Variants in AK3 observed in about 807,000 individuals in gnomAD.
AK3 encodes the protein GTP:AMP phosphotransferase AK3, mitochondrial.
A neutral mutation model predicts 23.7 loss-of-function variants in AK3; 27 were observed. That is an observed-to-expected ratio of 1.14 (90% CI 0.84 to 1.57). The LOEUF is 1.57. AK3 is among the 40% of genes most tolerant of loss of function. AK3 has a pLI of 0.00. For synonymous variants in AK3, 159 were observed against 116.0 expected, an observed-to-expected ratio of 1.37 and a Z score of -2.38; for missense variants, 406 against 285.6, an observed-to-expected ratio of 1.42 and a Z score of -3.04.
At chr9:4,740,774 T>C (rs1842410113) in intron 1 of AK3, among the ~76,000 whole-genome samples, 163 bp downstream of exon 1, 1 of 151,594 alleles carries the variant, frequency 6.6e-6, no homozygotes, top group Non-Finnish European at 1.5e-5. Flanking sequence ...AGGCCGGAGG[T>C]TTTGGGGCGC....
intron 1 of AK3, among the ~76,000 whole-genome samples, chr9:4,735,912 C>T (rs1225831384): frequency 1.3e-5 from 2 of 151,686 alleles, no homozygotes; most frequent in Non-Finnish European, 2.9e-5. Context: ...GTAGGAAGTT[C>T]GAGACCAGCC....
intron 1 of AK3, among the ~76,000 whole-genome samples, chr9:4,730,404 T>TA (rs1372937909): frequency 3.4e-5 from 5 of 147,710 alleles, no homozygotes; most frequent in Non-Finnish European, 7.5e-5. Context: ...AGAAAAAAAA[T>TA]AAAAAAACCA....
At chr9:4,737,202 G>A (rs981107550) in intron 1 of AK3, among the ~76,000 whole-genome samples, 1 of 149,532 alleles carries the variant, frequency 6.7e-6, no homozygotes, top group African/African-American at 2.4e-5. Flanking sequence ...TAATTTTCAT[G>A]AAATACAGCT....
At chr9:4,715,884 G>C (rs909224930) in intron 4 of AK3, among the ~76,000 whole-genome samples, 1 of 152,202 alleles carries the variant, frequency 6.6e-6, no homozygotes, top group Non-Finnish European at 1.5e-5. Context: ...AGGTTCAGGA[G>C]AGACTGTCCC....
rs1209103471 is a variant in AK3 at position 4,722,548 on chromosome 9, G to T, written c.229C>A (p.His77Asn). Residue 77 changes from histidine to asparagine, a missense_variant, in exon 2 of 5, where the codon CAT becomes AAT. Transcript: ENST00000381809. ...TACTGGGTGAGATTTTTCAGCTCAT[G>T]AAGGGCCAGCCGAGTCATGACATCA... ...PDDVMTRLAL[H>N]ELKNLTQYSW... 6.2e-7 allele frequency: 1 copy of T among 1,614,216 alleles called. No individual in the cohort carries two copies. The highest frequency in any genetic ancestry group is 1.1e-5 in the South Asian group (1 of 91,086).
chr9:4,728,006 C>G (rs1021020181), intron 1 of AK3, among the ~76,000 whole-genome samples: 1 of 152,082 alleles, frequency 6.6e-6, no homozygotes. Flanking sequence ...AGTTTGCCAT[C>G]TTATATGGGT....
rs1210103111 is a variant in AK3, at chr9:4,728,858, T to TACAC, written c.152-6234_152-6233insGTGT. Among the ~76,000 whole-genome samples the TACAC allele has an allele frequency of 5.6e-3, 400 of 71,860 alleles. 1 individual carries two copies. The highest frequency in any genetic ancestry group is 9.1e-3 in the Non-Finnish European group (308 of 34,014). 47.1% of individuals were successfully genotyped at this position (71,860 alleles called of 152,430 possible). On this transcript the variant is annotated intron_variant, in intron 1 of 4. Coordinates refer to ENST00000381809, the MANE Select transcript of AK3 (RefSeq NM_016282.4). ...ATATATATATATATATATATATATATATATATATACACACACACACACACA... is the reference window on the plus strand; with the variant it reads ...ATATATATATATATATATATATATATACACATATATATACACACACACACACACA...
At chr9:4,731,017 C>T (rs1842140731) in intron 1 of AK3, among the ~76,000 whole-genome samples, 1 of 152,192 alleles carries the variant, frequency 6.6e-6, no homozygotes, top group Non-Finnish European at 1.5e-5. Flanking sequence ...CCTTACTTGG[C>T]TGGAAGGATG....
intron 1 of AK3, among the ~76,000 whole-genome samples, chr9:4,728,827 C>T (rs1327934384): frequency 1.4e-5 from 1 of 70,962 alleles, no homozygotes; most frequent in Non-Finnish European, 2.7e-5. Context: ...AAGACCATGT[C>T]TCTACATATA....
chr9:4,736,816 T>C (rs1842304901), intron 1 of AK3, among the ~76,000 whole-genome samples: 1 of 151,816 alleles, frequency 6.6e-6, no homozygotes, highest in Non-Finnish European at 1.5e-5. Context: ...GAGCTGAGAC[T>C]TCAGGCACGT....
intron 1 of AK3, among the ~76,000 whole-genome samples, chr9:4,726,281 A>T (rs1842022144): frequency 6.6e-6 from 1 of 151,776 alleles, no homozygotes; most frequent in South Asian, 2.1e-4. Flanking sequence ...TCATCAACTG[A>T]CTCTTCTTTT....
At chr9:4,728,256 T>C (rs1842062659) in intron 1 of AK3, among the ~76,000 whole-genome samples, 1 of 152,144 alleles carries the variant, frequency 6.6e-6, no homozygotes, top group African/African-American at 2.4e-5. Context: ...TGAAGCACAA[T>C]AAAACAACAT....
intron 4 of AK3, among the ~76,000 whole-genome samples, chr9:4,717,225 C>T (rs549547123): frequency 6.6e-6 from 1 of 152,214 alleles, no homozygotes; most frequent in African/African-American, 2.4e-5. Flanking sequence ...TACTGTTCTG[C>T]CCTGATCAGG....
intron 1 of AK3, among the ~76,000 whole-genome samples, chr9:4,734,723 G>T (rs370731173): frequency 3.9e-5 from 6 of 152,174 alleles, no homozygotes; most frequent in African/African-American, 1.4e-4. Context: ...ACACCCATAA[G>T]ATAACAGAAA....
At chr9:4,738,448 G>C (rs1842347211) in intron 1 of AK3, among the ~76,000 whole-genome samples, 1 of 152,154 alleles carries the variant, frequency 6.6e-6, no homozygotes, top group Non-Finnish European at 1.5e-5. Context: ...TTACAGGCGT[G>C]AGACACCCCG....
intron 2 of AK3, among the ~76,000 whole-genome samples, chr9:4,720,803 A>G (rs1261468576): frequency 6.6e-6 from 1 of 152,214 alleles, no homozygotes; most frequent in East Asian, 1.9e-4. Context: ...AAAATTTGCC[A>G]GTGATCTAGA....
intron 1 of AK3, among the ~76,000 whole-genome samples, chr9:4,739,143 C>T (rs1205695634): frequency 6.6e-6 from 1 of 152,010 alleles, no homozygotes; most frequent in Non-Finnish European, 1.5e-5. Flanking sequence ...TGTTACCTAA[C>T]TACTTCAGTA....
intron 2 of AK3, among the ~76,000 whole-genome samples, chr9:4,720,701 A>G (rs1212377540): frequency 1.3e-5 from 2 of 151,702 alleles, no homozygotes; most frequent in Non-Finnish European, 2.9e-5. Flanking sequence ...AAAAAAAAAA[A>G]GTGACAAAGG....
intron 1 of AK3, among the ~76,000 whole-genome samples, chr9:4,726,981 G>A (rs1842035601): frequency 6.6e-6 from 1 of 152,060 alleles, no homozygotes; most frequent in South Asian, 2.1e-4. Flanking sequence ...GGGTGACCAG[G>A]TGCATTGTCA....
Sources: allele counts gnomAD v4.1 joint callset (sites outside exome capture counted in the v4.1 genomes callset), GRCh38; gene constraint gnomAD v4.1.1; transcripts MANE v1.5; gene names NCBI Gene and HGNC (gene_info 2026-07-23, HGNC 2026-07-21).